Variants in ARHGEF28 observed in about 807,000 individuals in gnomAD.
The protein encoded by ARHGEF28 is Rho guanine nucleotide exchange factor 28.
In ARHGEF28, 152 loss-of-function variants were observed where a neutral mutation model predicts 206.6. That is an observed-to-expected ratio of 0.74 (90% confidence interval 0.64 to 0.84). The LOEUF is 0.84. ARHGEF28 is among the 40% of genes least tolerant of loss of function. The pLI is 0.00. For synonymous variants in ARHGEF28, 763 were observed against 776.4 expected, an observed-to-expected ratio of 0.98 and a Z score of 0.29; for missense variants, 2,028 against 2,073.2, an observed-to-expected ratio of 0.98 and a Z score of 0.42.
At chr5:73,845,957 C>T (rs1037383229) in intron 11 of ARHGEF28, among the ~76,000 whole-genome samples, 27 of 130,782 alleles carry the variant, frequency 2.1e-4, no homozygotes, top group Admixed American at 1.8e-4. Context: ...CACTGCACTC[C>T]AGCCTAGGCA....
chr5:73,751,760 C>G lies in ARHGEF28; in HGVS notation c.182-1149C>G, dbSNP rs538152777. ...TTTAACAGAATCTAGAGGCAGGTGA[C>G]AGTTTCTATTTCTGAACCTTGAATT... On this transcript the variant is annotated intron_variant, in intron 3 of 35. Coordinates refer to ENST00000513042, the MANE Select transcript of ARHGEF28 (RefSeq NM_001177693.2). Among the ~76,000 whole-genome samples the G allele has an allele frequency of 1.3e-4, 20 of 152,200 alleles. No homozygotes were observed. The South Asian group carries it at 3.5e-3, about 27-fold the overall frequency.
chr5:73,890,114 T>A (rs1303053041), intron 26 of ARHGEF28, among the ~76,000 whole-genome samples: 1 of 152,208 alleles, frequency 6.6e-6, no homozygotes, highest in Non-Finnish European at 1.5e-5. Context: ...AATTTGAATG[T>A]TTGTTCATCT....
At chr5:73,891,821 G>A (rs1027352815) in intron 26 of ARHGEF28, among the ~76,000 whole-genome samples, 12 of 152,022 alleles carry the variant, frequency 7.9e-5, no homozygotes, top group East Asian at 1.9e-4. Flanking sequence ...CGTTGGGCCC[G>A]GCCTAAACCA....
intron 2 of ARHGEF28, among the ~76,000 whole-genome samples, chr5:73,713,488 G>C (rs796891210): frequency 6.6e-6 from 1 of 152,286 alleles, no homozygotes; most frequent in African/African-American, 2.4e-5. Context: ...GGGAGAGTGA[G>C]AGAGTTAAGA....
At position 73,940,983 on chromosome 5, in the gene ARHGEF28, T is replaced by A; in HGVS notation, c.5088T>A (p.Asp1696Glu). Reference protein sequence around the residue: ...TMTRQDGETGDGAKENIVYL With the variant: ...TMTRQDGETGEGAKENIVYL ...CCAGACAAGATGGGGAAACTGGAGA[T>A]GGAGCCAAAGAAAATATTGTTTACC... The change falls in exon 36 of 36, where the codon GAT becomes GAA. Residue 1696 changes from aspartate to glutamate, a missense_variant. Transcript: ENST00000513042. 6.6e-7 allele frequency: 1 copy of A among 1,524,188 alleles called. No individual in the cohort carries two copies. The highest frequency in any genetic ancestry group is 8.7e-7 in the Non-Finnish European group (1 of 1,143,896). 94.4% of individuals were successfully genotyped at this position (1,524,188 alleles called of 1,614,324 possible). A position where few individuals can be genotyped will look rare whatever the true frequency, so the allele number is the denominator to read the frequency against.
chr5:73,632,579 A>G (rs1341847935), intron 1 of ARHGEF28, among the ~76,000 whole-genome samples: 1 of 152,212 alleles, frequency 6.6e-6, no homozygotes, highest in Non-Finnish European at 1.5e-5. Flanking sequence ...GGCCATTCTG[A>G]ACAATTTCTC....
At position 73,645,867 on chromosome 5, in the gene ARHGEF28, C is replaced by T. The variant is rs535934739; in HGVS notation, c.-12+19545C>T. 1.6e-4 allele frequency among the ~76,000 whole-genome samples: 25 copies of T among 152,048 alleles called. No individual in the cohort carries two copies. The East Asian group carries it at 4.8e-3, about 29-fold the overall frequency. On this transcript the variant is annotated intron_variant, in intron 1 of 35. Transcript: ENST00000513042. ...TTTCCCCTCCTTTCCTTTCCCCCCTCCTCCCCTTCCTCTTGGTTTGGATGT... is the reference window on the plus strand; with the variant it reads ...TTTCCCCTCCTTTCCTTTCCCCCCTTCTCCCCTTCCTCTTGGTTTGGATGT...
Position 73,867,891 on chromosome 5 carries a change from A to G in ARHGEF28, c.2168A>G (p.Asp723Gly). The stretch of plus-strand genomic sequence containing the variant: ...TGATTTCCAGATTCTTCATTTAGAG[A>G]CATCCCACAGCCTGGTCTCTCCTTG... ...QTILGNSSFR[D>G]IPQPGLSLHP... The change falls in exon 19 of 36, where the codon GAC becomes GGC. Residue 723 changes from aspartate to glycine, a missense_variant. Physicochemically the swap from Asp to Gly is moderately conservative, Grantham distance 94 (BLOSUM62 -1). Around this residue, in one of 3 missense-constraint regions of ARHGEF28, gnomAD observed 1,002 missense variants for 1,015.3 expected, o/e 0.99. Transcript: ENST00000513042. The G allele has an allele frequency of 2.5e-6, 4 of 1,613,910 alleles. No homozygotes were observed. The highest frequency in any genetic ancestry group is 3.4e-6 in the Non-Finnish European group (4 of 1,179,848).
intron 8 of ARHGEF28, among the ~76,000 whole-genome samples, chr5:73,794,861 T>G (rs1754710708): frequency 6.6e-6 from 1 of 152,124 alleles, no homozygotes; most frequent in South Asian, 2.1e-4. Flanking sequence ...CCCGCCTCGG[T>G]CTCCCCAAGT....
chr5:73,672,167 G>A (rs1746388480), intron 1 of ARHGEF28, among the ~76,000 whole-genome samples: 1 of 152,064 alleles, frequency 6.6e-6, no homozygotes, highest in Admixed American at 6.6e-5. Flanking sequence ...AGGACTCCTG[G>A]CCCCTATAAG....
intron 9 of ARHGEF28, among the ~76,000 whole-genome samples, chr5:73,821,626 C>G (rs561031619): frequency 6.6e-6 from 1 of 151,662 alleles, no homozygotes; most frequent in Non-Finnish European, 1.5e-5. Flanking sequence ...TGTCAGAGTC[C>G]GCCGCTTCAT....
intron 1 of ARHGEF28, among the ~76,000 whole-genome samples, chr5:73,677,468 A>G (rs1746779741): frequency 6.6e-6 from 1 of 152,258 alleles, no homozygotes; most frequent in Non-Finnish European, 1.5e-5. Context: ...TTTTATAGTC[A>G]TTCTGCCTTA....
chr5:73,855,086 C>T (rs1363252467), intron 14 of ARHGEF28, among the ~76,000 whole-genome samples: 1 of 152,120 alleles, frequency 6.6e-6, no homozygotes, highest in Non-Finnish European at 1.5e-5. Flanking sequence ...TTAAAAATAA[C>T]TTAATCTTTC....
At position 73,901,288 on chromosome 5, in the gene ARHGEF28, T is replaced by C; in HGVS notation, c.4074+4T>C. The stretch of plus-strand genomic sequence containing the variant: ...CGTCTCTGATGCAGGGGAGAAGGTA[T>C]TGTGAACTGATTTGTTAGTAAACGG... On this transcript the variant is annotated splice_donor_region_variant and intron_variant, in intron 31 of 35. Transcript: ENST00000513042. 1 of 1,611,642 alleles carries C rather than the reference T, an allele frequency of 6.2e-7. No homozygotes were observed. The highest frequency in any genetic ancestry group is 8.5e-7 in the Non-Finnish European group (1 of 1,178,646).
chr5:73,911,391 T>C lies in ARHGEF28; in HGVS notation c.4764T>C (p.His1588=). ...ACAAACTGAATCCATCAGTTATCCA[T>C]CAGGATGCCACTTACCCTACAACTC... is the stretch of plus-strand genomic sequence containing the variant. The part of the protein sequence containing the change: ...TFNKLNPSVI[H]QDATYPTTQS... Residue 1588 remains histidine, a synonymous_variant, in exon 35 of 36, where the codon CAT becomes CAC. Coordinates refer to ENST00000513042, the MANE Select transcript of ARHGEF28 (RefSeq NM_001177693.2). The C allele has an allele frequency of 1.2e-6, 2 of 1,613,982 alleles. No homozygotes were observed. Among genetic ancestry groups the C allele is most frequent in the Non-Finnish European group, 1.7e-6 (2 of 1,179,870 alleles).
chr5:73,803,722 A>C (rs1358872922), intron 9 of ARHGEF28: 1 of 152,364 alleles, frequency 6.6e-6, no homozygotes, highest in Non-Finnish European at 1.5e-5. Context: ...ATCAGAGGTC[A>C]AATAGGAGGC....
At chr5:73,699,143 C>T (rs996545053) in intron 2 of ARHGEF28, among the ~76,000 whole-genome samples, 4 of 151,600 alleles carry the variant, frequency 2.6e-5, no homozygotes, top group African/African-American at 9.7e-5. Flanking sequence ...CTAGTTTCTC[C>T]CCTAGAGCTG....
intron 9 of ARHGEF28, among the ~76,000 whole-genome samples, chr5:73,817,152 C>T (rs1268567459): frequency 1.3e-5 from 2 of 152,118 alleles, no homozygotes; most frequent in South Asian, 2.1e-4. Flanking sequence ...TCCTTTATGC[C>T]TTTTATCCAC....
rs549311828 is a variant in ARHGEF28, at chr5:73,885,994, C to T, written c.3200C>T (p.Thr1067Met). 4.6e-5 allele frequency: 75 copies of T among 1,613,666 alleles called. 1 individual carries two copies. In the South Asian group the frequency reaches 6.5e-4, roughly 14 times the overall value. Residue 1067 changes from threonine (T) to methionine (M), a missense_variant, in exon 25 of 36, where the codon ACG becomes ATG. Physicochemically the swap from Thr to Met is moderately conservative, Grantham distance 81. Transcript: ENST00000513042. ...ILNKIENKTYTKLKNGHVFRK... is the reference protein window; with the variant it reads ...ILNKIENKTYMKLKNGHVFRK... ...AATAAGATTGAAAACAAAACATACA[C>T]GAAGCTCAAAAATGGACATGTGTTT...
Sources: allele counts gnomAD v4.1 joint callset (sites outside exome capture counted in the v4.1 genomes callset), GRCh38; gene constraint gnomAD v4.1.1; regional missense constraint gnomAD v4.1.1; transcripts MANE v1.5; gene names NCBI Gene and HGNC (gene_info 2026-07-23, HGNC 2026-07-21).